FBXL17: variants seen among roughly 807,000 people sequenced by gnomAD.
The protein encoded by FBXL17 is F-box and leucine rich repeat protein 17, also known as F-box/LRR-repeat protein 17.
FBXL17 carries 22 observed loss-of-function variants against 66.2 expected under a neutral mutation model. That is an observed-to-expected ratio of 0.33 (90% confidence interval 0.24 to 0.47). The LOEUF is 0.47. Ranked by LOEUF, FBXL17 falls within the 20% of genes least tolerant of loss-of-function variation. FBXL17 has a pLI of 1.00. For missense variants in FBXL17, 878 were observed against 948.2 expected (o/e 0.93, Z 0.97); for synonymous variants, 474 against 400.5 (o/e 1.18, Z -2.19).
chr5:107,863,239 C>T (rs887128714), intron 8 of FBXL17, among the ~76,000 whole-genome samples: 3 of 151,384 alleles, frequency 2.0e-5, no homozygotes, highest in African/African-American at 4.8e-5. Flanking sequence ...AGAGTTCAGA[C>T]AGCTTATAAC....
rs1013057690 is a variant in FBXL17, at chr5:108,278,695, C to T, written c.1507-54467G>A. The stretch of plus-strand genomic sequence containing the variant: ...CACCAGAACTGGGGTATAAGTGGGA[C>T]TCAAGGCCTTGGCCACTAGGTTTGA... On this transcript the variant is annotated intron_variant, in intron 4 of 8. Coordinates refer to ENST00000542267, the MANE Select transcript of FBXL17 (RefSeq NM_001163315.3). 4.6e-5 allele frequency among the ~76,000 whole-genome samples: 7 copies of T among 152,328 alleles called. No individual in the cohort carries two copies. The East Asian group carries it at 5.8e-4, about 13-fold the overall frequency.
intron 4 of FBXL17, among the ~76,000 whole-genome samples, chr5:108,234,280 A>G (rs34897070): frequency 8.5e-5 from 13 of 152,252 alleles, no homozygotes; most frequent in Non-Finnish European, 1.9e-4. Context: ...GAGAGAATAG[A>G]CAATAAAAAT....
intron 7 of FBXL17, among the ~76,000 whole-genome samples, chr5:108,013,431 TG>T (rs1754259418): frequency 2.6e-5 from 4 of 152,354 alleles, no homozygotes; most frequent in African/African-American, 7.2e-5. Context: ...TTCAGACACC[TG>T]TTCTTGCTCT....
intron 6 of FBXL17, among the ~76,000 whole-genome samples, chr5:108,065,134 T>A (rs1262312238): frequency 6.6e-6 from 1 of 152,112 alleles, no homozygotes; most frequent in Non-Finnish European, 1.5e-5. Context: ...TTTGCAAATA[T>A]ATGCCATGTG....
chr5:108,086,129 T>A (rs1475762662), intron 6 of FBXL17, among the ~76,000 whole-genome samples: 1 of 152,138 alleles, frequency 6.6e-6, no homozygotes, highest in Non-Finnish European at 1.5e-5. Flanking sequence ...GAGGTCACAG[T>A]CTCCCTTCTC....
intron 7 of FBXL17, among the ~76,000 whole-genome samples, chr5:107,913,772 G>C (rs1372187074): frequency 6.6e-6 from 1 of 152,070 alleles, no homozygotes; most frequent in Non-Finnish European, 1.5e-5. Context: ...CAGGGCAATA[G>C]TGTCACTGCT....
intron 6 of FBXL17, among the ~76,000 whole-genome samples, chr5:108,144,534 G>A (rs557210800): frequency 2.0e-5 from 3 of 152,218 alleles, no homozygotes; most frequent in Non-Finnish European, 2.9e-5. Flanking sequence ...GGTAGAAACC[G>A]ACTTCTGCAG....
At chr5:108,284,056 T>C (rs1418187333) in intron 4 of FBXL17, among the ~76,000 whole-genome samples, 2 of 151,990 alleles carry the variant, frequency 1.3e-5, no homozygotes, top group South Asian at 2.1e-4. Context: ...GGCAAGGATG[T>C]AGAGAAAAGG....
intron 4 of FBXL17, among the ~76,000 whole-genome samples, chr5:108,319,277 A>C (rs1201095861): frequency 6.6e-6 from 1 of 151,886 alleles, no homozygotes; most frequent in Non-Finnish European, 1.5e-5. Flanking sequence ...AAACAGCATT[A>C]ATTATGTACC....
chr5:107,995,491 T>C (rs1481203414), intron 7 of FBXL17, among the ~76,000 whole-genome samples: 5 of 152,060 alleles, frequency 3.3e-5, no homozygotes, highest in African/African-American at 4.8e-5. Context: ...TTAATTCTAG[T>C]AGGACTTATT....
In FBXL17 at chr5:108,184,528, G is replaced by C. The variant is rs1023793626; in HGVS notation, c.1745+1589C>G. Reference sequence around the variant, plus strand: ...TTCACCATGTTAGCCAGGATGGTCTGGATCTCCTGACCTCGTGATCCGCCC... The same window carrying C: ...TTCACCATGTTAGCCAGGATGGTCTCGATCTCCTGACCTCGTGATCCGCCC... On this transcript the variant is annotated intron_variant, in intron 6 of 8. Coordinates refer to ENST00000542267, the MANE Select transcript of FBXL17 (RefSeq NM_001163315.3). Among the ~76,000 whole-genome samples the C allele has an allele frequency of 3.0e-4, 46 of 151,734 alleles. 1 individual carries two copies. Among genetic ancestry groups the C allele is most frequent in the Middle Eastern group, 3.4e-3 (1 of 294 alleles).
At chr5:108,139,053 A>G (rs1463448772) in intron 6 of FBXL17, among the ~76,000 whole-genome samples, 1 of 152,202 alleles carries the variant, frequency 6.6e-6, no homozygotes. Flanking sequence ...AATCTTTAAT[A>G]CTCAGATGAA....
At chr5:108,366,047 T>G (rs1452704218) in intron 2 of FBXL17, among the ~76,000 whole-genome samples, 1 of 152,152 alleles carries the variant, frequency 6.6e-6, no homozygotes, top group Non-Finnish European at 1.5e-5. Flanking sequence ...ACTTTTACAC[T>G]TGATATCAGA....
intron 7 of FBXL17, among the ~76,000 whole-genome samples, chr5:107,969,800 A>G (rs1374705460): frequency 6.6e-6 from 1 of 152,106 alleles, no homozygotes; most frequent in Non-Finnish European, 1.5e-5. Context: ...AAACTTTCTA[A>G]CCCAATTTGA....
At chr5:107,907,179 T>C (rs552477593) in intron 7 of FBXL17, among the ~76,000 whole-genome samples, 3 of 152,298 alleles carry the variant, frequency 2.0e-5, no homozygotes, top group South Asian at 2.1e-4. Flanking sequence ...ACTTCACACA[T>C]TGACCTTGTA....
At chr5:108,174,126 G>C (rs1339358379) in intron 6 of FBXL17, among the ~76,000 whole-genome samples, 1 of 152,118 alleles carries the variant, frequency 6.6e-6, no homozygotes, top group African/African-American at 2.4e-5. Context: ...AGCATGAATT[G>C]CTGAAATTAG....
intron 7 of FBXL17, among the ~76,000 whole-genome samples, chr5:107,889,313 A>T (rs1411230557): frequency 6.6e-6 from 1 of 152,216 alleles, no homozygotes. Context: ...GGAATAAATA[A>T]GGTTATAGAA....
chr5:107,990,259 T>C (rs1251826778), intron 7 of FBXL17, among the ~76,000 whole-genome samples: 1 of 152,186 alleles, frequency 6.6e-6, no homozygotes, highest in East Asian at 1.9e-4. Flanking sequence ...GGGATGGGTA[T>C]GGCTTTTTAT....
At chr5:108,060,196 A>C (rs1280886183) in intron 6 of FBXL17, among the ~76,000 whole-genome samples, 1 of 151,890 alleles carries the variant, frequency 6.6e-6, no homozygotes, top group Non-Finnish European at 1.5e-5. Context: ...AGATATAGAT[A>C]TATCACCACT....
Sources: allele counts gnomAD v4.1 joint callset (sites outside exome capture counted in the v4.1 genomes callset), GRCh38; gene constraint gnomAD v4.1.1; transcripts MANE v1.5; gene names NCBI Gene and HGNC (gene_info 2026-07-23, HGNC 2026-07-21).